Variants in COL4A2 observed in about 807,000 individuals in gnomAD.
The protein encoded by COL4A2 is collagen type IV alpha 2 chain, also known as collagen alpha-2(IV) chain.
A neutral mutation model predicts 200.2 loss-of-function variants in COL4A2; 99 were observed. That is an observed-to-expected ratio of 0.49 (90% CI 0.42 to 0.58). The LOEUF (loss-of-function observed/expected upper bound fraction) is 0.58. Among genes scored for constraint, COL4A2 ranks in the 20% least tolerant of loss-of-function variants. COL4A2 has a pLI of 0.00. For synonymous variants in COL4A2, 897 were observed against 900.6 expected, an observed-to-expected ratio of 1.00 and a Z score of 0.07; for missense variants, 1,950 against 2,314.1, an observed-to-expected ratio of 0.84 and a Z score of 3.23.
chr13:110,465,353 C>G, intron 24 of COL4A2, 52 bp from the exon 25 acceptor site: 1 of 1,534,164 alleles, frequency 6.5e-7, no homozygotes, highest in Non-Finnish European at 8.7e-7. Context: ...GAAGTCGAGG[C>G]GATCTTTAAC....
intron 34 of COL4A2, among the ~76,000 whole-genome samples, chr13:110,486,156 A>G (rs986243103): frequency 2.0e-5 from 3 of 152,180 alleles, no homozygotes; most frequent in Admixed American, 6.5e-5. Flanking sequence ...AATTGAGCAC[A>G]TCAGTGACAC....
intron 16 of COL4A2, among the ~76,000 whole-genome samples, chr13:110,443,842 T>G (rs1404978735): frequency 6.6e-6 from 1 of 152,136 alleles, no homozygotes; most frequent in Non-Finnish European, 1.5e-5. Context: ...TCCTTGGCCA[T>G]CCCTGCGCCT....
intron 37 of COL4A2, 94 bp downstream of exon 37, chr13:110,491,434 C>A: frequency 1.2e-6 from 1 of 850,792 alleles, no homozygotes; most frequent in Non-Finnish European, 1.9e-6. Flanking sequence ...CCTCCAATCA[C>A]ACCCAACCCT....
rs1475067377 is a variant in COL4A2, at chr13:110,465,514, A to G, written c.1886A>G (p.Lys629Arg). The G allele has an allele frequency of 1.2e-6, 2 of 1,614,000 alleles. No homozygotes were observed. Among genetic ancestry groups the G allele is most frequent in the South Asian group, 2.2e-5 (2 of 91,080 alleles). Reference protein sequence around the residue: ...GPPGLGLPGLKGQRGFPGDAG... With the variant: ...GPPGLGLPGLRGQRGFPGDAG... ...CCAGGACTGGGCCTTCCCGGCCTCA[A>G]AGGCCAACGTGGTTTCCCTGGAGAC... The change falls in exon 25 of 48, where the codon AAA becomes AGA. Residue 629 changes from lysine (K) to arginine (R), a missense_variant. Transcript: ENST00000360467.
intron 3 of COL4A2, 33 bp downstream of exon 3, chr13:110,308,156 G>T: frequency 1.2e-6 from 2 of 1,612,040 alleles, no homozygotes; most frequent in South Asian, 2.2e-5. Flanking sequence ...GGACTTGCGC[G>T]CCCGAGAGTG....
At position 110,435,628 on chromosome 13, in the gene COL4A2, A is replaced by G. The variant is rs1177633984; in HGVS notation, c.727-641A>G. On this transcript the variant is annotated intron_variant, in intron 12 of 47. Coordinates refer to ENST00000360467, the MANE Select transcript of COL4A2 (RefSeq NM_001846.4). ...ATGATACAGTTTAATGTGGAAAGAA[A>G]GGAAAAGACAATGATGTTCTTTTGT... Among the ~76,000 whole-genome samples, 8 of 152,222 alleles carry G rather than the reference A, an allele frequency of 5.3e-5. No homozygotes were observed. In the East Asian group the frequency reaches 1.2e-3, roughly 22 times the overall value.
At chr13:110,422,844 C>T (rs1880307045) in intron 4 of COL4A2, among the ~76,000 whole-genome samples, 1 of 152,232 alleles carries the variant, frequency 6.6e-6, no homozygotes, top group Non-Finnish European at 1.5e-5. Flanking sequence ...TCCCACACCC[C>T]TCCATGCTAC....
At chr13:110,385,464 T>C (rs1878660623) in intron 4 of COL4A2, among the ~76,000 whole-genome samples, 1 of 148,906 alleles carries the variant, frequency 6.7e-6, no homozygotes. Flanking sequence ...AGTGTGTGGA[T>C]AGGCCGTGGT....
intron 6 of COL4A2, among the ~76,000 whole-genome samples, chr13:110,427,683 CT>C (rs755145573): frequency 3.3e-5 from 5 of 152,236 alleles, no homozygotes; most frequent in Non-Finnish European, 5.9e-5. Flanking sequence ...AACCCAGCCC[CT>C]GTGTGTCTCC....
chr13:110,432,428 T>C, intron 11 of COL4A2, 68 bp downstream of exon 11: 1 of 1,523,588 alleles, frequency 6.6e-7, no homozygotes, highest in Non-Finnish European at 8.8e-7. Context: ...TTGTTTGTTT[T>C]TTACCATAAA....
Position 110,469,116 on chromosome 13 carries a change from C to T in COL4A2, c.2096-101C>T, listed in dbSNP as rs1882363160. Reference sequence around the variant, plus strand: ...GATATTCCCCCCAGCCTCATCATTTCCCGGTTTCATGAGATCCACATTAAG... The same window carrying T: ...GATATTCCCCCCAGCCTCATCATTTTCCGGTTTCATGAGATCCACATTAAG... On this transcript the variant is annotated intron_variant, in intron 27 of 47. Transcript: ENST00000360467. 3 of 1,340,268 alleles carry T rather than the reference C, an allele frequency of 2.2e-6. No homozygotes were observed. The African/African-American group carries it at 4.4e-5, about 20-fold the overall frequency. 83.0% of individuals were successfully genotyped at this position (1,340,268 alleles called of 1,614,324 possible).
chr13:110,501,808 G>A (rs1268323692), intron 41 of COL4A2, 24 bp downstream of exon 41: 2 of 1,606,754 alleles, frequency 1.2e-6, no homozygotes, highest in South Asian at 2.2e-5. Flanking sequence ...ATACATCTGT[G>A]CTTCGACATC....
chr13:110,489,900 G>A lies in COL4A2; in HGVS notation c.3346+115G>A, dbSNP rs1277195181. The stretch of plus-strand genomic sequence containing the variant: ...TAACAACCAGAAAGCACTTGATAGT[G>A]AATGAGGTCTTCAAGTCCAATGTGC... On this transcript the variant is annotated intron_variant, in intron 36 of 47. Coordinates refer to ENST00000360467, the MANE Select transcript of COL4A2 (RefSeq NM_001846.4). 9 of 1,078,496 alleles carry A rather than the reference G, an allele frequency of 8.3e-6. No individual in the cohort carries two copies. The Admixed American group carries it at 1.7e-4, about 20-fold the overall frequency. The allele number at this position is 1,078,496 out of a possible 1,614,324, so 66.8% of individuals were successfully genotyped here. A position where few individuals can be genotyped will look rare whatever the true frequency, so the allele number is the denominator to read the frequency against.
intron 3 of COL4A2, among the ~76,000 whole-genome samples, chr13:110,312,255 G>T (rs978985246): frequency 6.6e-6 from 1 of 152,150 alleles, no homozygotes; most frequent in Non-Finnish European, 1.5e-5. Context: ...GCAGAGATTT[G>T]TCAGCAGCAT....
At chr13:110,498,451 G>A (rs1374974979) in intron 40 of COL4A2, among the ~76,000 whole-genome samples, 2 of 152,142 alleles carry the variant, frequency 1.3e-5, no homozygotes, top group East Asian at 1.9e-4. Flanking sequence ...ATGGGATTTC[G>A]ACAGGGTGCA....
chr13:110,472,116 TTTA>T (rs1333458034), intron 28 of COL4A2, among the ~76,000 whole-genome samples: 2 of 145,968 alleles, frequency 1.4e-5, no homozygotes, highest in Non-Finnish European at 3.0e-5. Context: ...CTTTTTTCTT[TTTA>T]TTTTTTTCTC....
Position 110,486,930 on chromosome 13 carries a change from G to T in COL4A2, c.3207+1094G>T, listed in dbSNP as rs149517967. Among the ~76,000 whole-genome samples, 749 of 152,288 alleles carry T rather than the reference G, an allele frequency of 4.9e-3. 6 individuals carry two copies. Among genetic ancestry groups the T allele is most frequent in the African/African-American group, 0.017 (715 of 41,564 alleles). On this transcript the variant is annotated intron_variant, in intron 34 of 47. Transcript: ENST00000360467. Reference sequence around the variant, plus strand: ...AATGTCATCAGTTAAGGCAGAAACCGGCCATCTGGATGTGTACGTGCAGGT... The same window carrying T: ...AATGTCATCAGTTAAGGCAGAAACCTGCCATCTGGATGTGTACGTGCAGGT...
chr13:110,501,670 G>A lies in COL4A2; in HGVS notation c.3763G>A (p.Glu1255Lys). ...ATTTCTTCTGTTTTCATCCTAAGGG[G>A]AACGAGGCCCACCTGGGAGCCCAGG... ...GQKGDQGAPGERGPPGSPGLQ... is the reference protein window; with the variant it reads ...GQKGDQGAPGKRGPPGSPGLQ... Residue 1255 changes from glutamate to lysine, a missense_variant and splice_region_variant, in exon 41 of 48, where the codon GAA becomes AAA. Physicochemically the swap from Glu to Lys is moderately conservative, Grantham distance 56 (BLOSUM62 1). This residue lies in a region of COL4A2 where 1,385 missense variants were observed against 1,720.5 expected (regional missense o/e 0.80). Transcript: ENST00000360467. 1 of 1,613,226 alleles carries A rather than the reference G, an allele frequency of 6.2e-7. No individual in the cohort carries two copies. The highest frequency in any genetic ancestry group is 8.5e-7 in the Non-Finnish European group (1 of 1,179,178).
intron 4 of COL4A2, among the ~76,000 whole-genome samples, chr13:110,376,763 A>G (rs903709034): frequency 1.3e-5 from 2 of 152,036 alleles, no homozygotes; most frequent in African/African-American, 4.8e-5. Context: ...CAGGGGCCCT[A>G]CTTGTAATTC....
Sources: gnomAD v4.1 joint callset for allele counts (sites outside exome capture counted in the v4.1 genomes callset) on GRCh38, gnomAD v4.1.1 for gene constraint, gnomAD v4.1.1 regional missense constraint, MANE v1.5 for transcripts, NCBI Gene and HGNC (gene_info 2026-07-23, HGNC 2026-07-21) for gene names.